The following C12orf42 variants were observed in gnomAD, a reference collection of about 807,000 sequenced individuals.
The protein encoded by C12orf42 is chromosome 12 open reading frame 42.
C12orf42 carries 25 observed loss-of-function variants against 21.6 expected under a neutral mutation model. The ratio of observed to expected loss-of-function variants is 1.16; its 90% confidence interval spans 0.84 to 1.62. The LOEUF (loss-of-function observed/expected upper bound fraction) is 1.62. C12orf42 is among the 40% of genes most tolerant of loss of function. The pLI, the probability that C12orf42 is intolerant of heterozygous loss-of-function variation, is 0.00. For missense variants in C12orf42, 483 were observed against 459.3 expected (o/e 1.05, Z -0.47); for synonymous variants, 174 against 175.0 (o/e 0.99, Z 0.05).
the C12orf42 span, among the ~76,000 whole-genome samples, chr12:103,075,714 C>A: frequency 1.3e-5 from 2 of 152,122 alleles, no homozygotes; most frequent in Non-Finnish European, 2.9e-5. Context: ...GACCACCCAA[C>A]CAGTCCAGTA....
intron 2 of C12orf42, among the ~76,000 whole-genome samples, chr12:103,427,295 G>GAAAAAAAAAAAAAAAA (rs71097975): frequency 5.0e-5 from 6 of 120,618 alleles, no homozygotes; most frequent in Non-Finnish European, 8.4e-5. Flanking sequence ...AAAAAAAAAA[G>GAAAAAAAAAAAAAAAA]AAAAAAAAAA....
At chr12:103,431,809 A>G (rs1229541897) in intron 2 of C12orf42, among the ~76,000 whole-genome samples, 1 of 152,202 alleles carries the variant, frequency 6.6e-6, no homozygotes, top group South Asian at 2.1e-4. Flanking sequence ...TGCTAGTGGC[A>G]GTGAATCTGT....
chr12:103,116,884 C>CT, the C12orf42 span, among the ~76,000 whole-genome samples: 64 of 152,188 alleles, frequency 4.2e-4, no homozygotes, highest in African/African-American at 1.3e-3. Flanking sequence ...TTTGCCTAAT[C>CT]TTTTTTAAAT....
intron 4 of C12orf42, 121 bp from the exon 5 acceptor site, chr12:103,306,466 T>C (rs572107143): frequency 4.2e-6 from 5 of 1,193,766 alleles, no homozygotes; most frequent in Admixed American, 2.9e-5. Flanking sequence ...CTACTGTGAG[T>C]AAACAAAAAT....
the C12orf42 span, among the ~76,000 whole-genome samples, chr12:103,561,993 C>T: frequency 6.6e-6 from 1 of 152,282 alleles, no homozygotes; most frequent in South Asian, 2.1e-4. Flanking sequence ...GTCAGAAGTC[C>T]AAGGCAGGTC....
the C12orf42 span, among the ~76,000 whole-genome samples, chr12:103,201,226 C>T: frequency 6.6e-6 from 1 of 152,124 alleles, no homozygotes; most frequent in African/African-American, 2.4e-5. Context: ...CATTGATTTG[C>T]TGAGCATACT....
At chr12:103,523,384 T>C in the C12orf42 span, among the ~76,000 whole-genome samples, 1 of 152,044 alleles carries the variant, frequency 6.6e-6, no homozygotes, top group African/African-American at 2.4e-5. Flanking sequence ...CCATTATATG[T>C]CTTCTCTATC....
intron 4 of C12orf42, among the ~76,000 whole-genome samples, chr12:103,288,515 A>G (rs17033671): frequency 0.018 from 2,710 of 152,312 alleles, 144 homozygotes; most frequent in East Asian, 0.17. Context: ...AACTGCAAGC[A>G]CTTTTACCTG....
the C12orf42 span, among the ~76,000 whole-genome samples, chr12:103,225,411 C>T: frequency 5.3e-5 from 8 of 151,996 alleles, no homozygotes; most frequent in Non-Finnish European, 8.8e-5. Flanking sequence ...AAGCGTGTTG[C>T]GGGACGGGAT....
the C12orf42 span, among the ~76,000 whole-genome samples, chr12:103,210,952 T>A: frequency 6.6e-6 from 1 of 152,056 alleles, no homozygotes; most frequent in African/African-American, 2.4e-5. Flanking sequence ...TCGCACCACA[T>A]CCAGCCCGGA....
the C12orf42 span, among the ~76,000 whole-genome samples, chr12:103,206,211 A>C: frequency 2.0e-5 from 3 of 152,322 alleles, no homozygotes; most frequent in African/African-American, 7.2e-5. Context: ...TGGTACTGAC[A>C]CAGCCACTGA....
the C12orf42 span, among the ~76,000 whole-genome samples, chr12:103,135,103 G>A: frequency 4.6e-5 from 7 of 152,122 alleles, no homozygotes; most frequent in African/African-American, 1.7e-4. Flanking sequence ...GGGACAATAC[G>A]TATCATCATG....
At chr12:103,048,350 C>G in the C12orf42 span, among the ~76,000 whole-genome samples, 2 of 152,104 alleles carry the variant, frequency 1.3e-5, no homozygotes, top group Non-Finnish European at 2.9e-5. Flanking sequence ...ATAATAACAT[C>G]TGGATTACAA....
chr12:103,276,027 C>A (rs1369972425), intron 5 of C12orf42, among the ~76,000 whole-genome samples: 1 of 152,144 alleles, frequency 6.6e-6, no homozygotes, highest in African/African-American at 2.4e-5. Context: ...GAGCTATGAT[C>A]ATGCCTCCGC....
At chr12:103,335,762 C>T (rs1198809641) in intron 4 of C12orf42, among the ~76,000 whole-genome samples, 1 of 152,202 alleles carries the variant, frequency 6.6e-6, no homozygotes, top group Non-Finnish European at 1.5e-5. Context: ...AAGATCCTCC[C>T]TCCTATTTGT....
the C12orf42 span, chr12:103,159,332 T>C: frequency 6.6e-6 from 1 of 152,208 alleles, no homozygotes; most frequent in Non-Finnish European, 1.5e-5. Flanking sequence ...GGCCTAATGT[T>C]AGTGATGACA....
the C12orf42 span, among the ~76,000 whole-genome samples, chr12:103,213,389 A>C: frequency 2.0e-5 from 3 of 152,192 alleles, no homozygotes; most frequent in Non-Finnish European, 4.4e-5. Context: ...AAATTTTGTA[A>C]ATCTCTTTAT....
chr12:103,148,619 C>T, the C12orf42 span, among the ~76,000 whole-genome samples: 42 of 138,898 alleles, frequency 3.0e-4, no homozygotes, highest in Admixed American at 1.6e-3. Flanking sequence ...TCATAGTGCT[C>T]GTTTGAGTAA....
At chr12:103,485,246 T>C (rs1954755751) in intron 1 of C12orf42, among the ~76,000 whole-genome samples, 1 of 152,216 alleles carries the variant, frequency 6.6e-6, no homozygotes, top group Admixed American at 6.5e-5. Context: ...CCCCATTTCT[T>C]GTTTGTGTCA....
Sources: gnomAD v4.1 joint callset for allele counts (sites outside exome capture counted in the v4.1 genomes callset) on GRCh38, gnomAD v4.1.1 for gene constraint, MANE v1.5 for transcripts, NCBI Gene and HGNC (gene_info 2026-07-23, HGNC 2026-07-21) for gene names.